The following ABCC4 variants were observed in gnomAD, a reference collection of about 807,000 sequenced individuals.
ABCC4 encodes ATP-binding cassette sub-family C member 4.
Under a neutral mutation model 168.5 loss-of-function variants are expected in ABCC4, and 102 were observed. The observed-to-expected ratio is 0.61, with a 90% confidence interval of 0.52 to 0.71. The LOEUF (loss-of-function observed/expected upper bound fraction) is 0.71, where lower values mean the gene tolerates loss of function less well. ABCC4 is among the 30% of genes least tolerant of loss of function. The pLI, the probability that ABCC4 is intolerant of heterozygous loss-of-function variation, is 0.00. For missense variants in ABCC4, 1,402 were observed against 1,605.8 expected (o/e 0.87, Z 2.17); for synonymous variants, 617 against 590.7 (o/e 1.04, Z -0.65).
chr13:95,043,651 G>A (rs764184165), intron 29 of ABCC4, 31 bp downstream of exon 29: 13 of 1,529,378 alleles, frequency 8.5e-6, no homozygotes, highest in Non-Finnish European at 1.1e-5. Context: ...ATAATTGGGA[G>A]CAACAGGAAT....
intron 19 of ABCC4, among the ~76,000 whole-genome samples, chr13:95,132,877 G>C (rs1015723254): frequency 1.3e-5 from 2 of 152,106 alleles, no homozygotes; most frequent in Non-Finnish European, 2.9e-5. Flanking sequence ...CAAACTCAGA[G>C]ACAGAAAGTA....
intron 29 of ABCC4, among the ~76,000 whole-genome samples, chr13:95,035,208 C>T (rs1390522420): frequency 6.6e-6 from 1 of 152,070 alleles, no homozygotes; most frequent in Non-Finnish European, 1.5e-5. Context: ...AATTGCCGAG[C>T]CAGTTTCATA....
At chr13:95,240,579 G>A (rs866810590) in intron 3 of ABCC4, among the ~76,000 whole-genome samples, 3 of 151,692 alleles carry the variant, frequency 2.0e-5, no homozygotes, top group African/African-American at 7.3e-5. Flanking sequence ...TCTTCAGAGG[G>A]GGCAGTGAGC....
In ABCC4 at chr13:95,202,336, T is replaced by C. The variant is rs2038650595; in HGVS notation, c.1161+4196A>G. On this transcript the variant is annotated intron_variant, in intron 8 of 30. Transcript: ENST00000645237. ...ACAATTTTATCAATCAATCTACCAA[T>C]CTCTCTCTGCATGTACATACACGTG... Among the ~76,000 whole-genome samples, 3 of 152,156 alleles carry C rather than the reference T, an allele frequency of 2.0e-5. No homozygotes were observed. In the South Asian group the frequency reaches 6.2e-4, roughly 32 times the overall value.
chr13:95,180,411 G>GGGT (rs1166348545), intron 11 of ABCC4, among the ~76,000 whole-genome samples: 1 of 152,142 alleles, frequency 6.6e-6, no homozygotes, highest in Non-Finnish European at 1.5e-5. Flanking sequence ...AAATTAGCCA[G>GGGT]GCATGGGGGT....
Position 95,024,206 on chromosome 13 carries a change from C to CAAAACAAAAA in ABCC4, c.3871-2525_3871-2524insTTTTTGTTTT, listed in dbSNP as rs1555301367. On this transcript the variant is annotated intron_variant, in intron 30 of 30. Transcript: ENST00000645237. The stretch of plus-strand genomic sequence containing the variant: ...TGGGTGACAGAGTGAGAGACTGTCT[C>CAAAACAAAAA]AAAAAAAAAAAAAAAAAAAAAAGTT... Among the ~76,000 whole-genome samples, 3 of 43,940 alleles carry CAAAACAAAAA rather than the reference C, an allele frequency of 6.8e-5. 1 individual carries two copies. Among genetic ancestry groups the CAAAACAAAAA allele is most frequent in the Non-Finnish European group, 1.6e-4 (3 of 19,210 alleles). The allele number at this position is 43,940 out of a possible 152,430, so 28.8% of individuals were successfully genotyped here. A position where few individuals can be genotyped will look rare whatever the true frequency, so the allele number is the denominator to read the frequency against.
At chr13:95,096,415 G>A (rs1235094731) in intron 20 of ABCC4, among the ~76,000 whole-genome samples, 8 of 151,976 alleles carry the variant, frequency 5.3e-5, no homozygotes, top group Non-Finnish European at 1.2e-4. Context: ...AAAGAAAAGT[G>A]TATCAAAACA....
At chr13:95,210,650 GT>G (rs2038927634) in intron 5 of ABCC4, 41 bp downstream of exon 5, 1 of 1,474,612 alleles carries the variant, frequency 6.8e-7, no homozygotes, top group Non-Finnish European at 9.5e-7. Context: ...GGAAAGAGGG[GT>G]GTTTAATGCA....
chr13:95,140,618 A>G (rs889849945), intron 19 of ABCC4, among the ~76,000 whole-genome samples: 1 of 152,226 alleles, frequency 6.6e-6, no homozygotes, highest in Admixed American at 6.5e-5. Flanking sequence ...GTTGAACTTT[A>G]AAGGAAAAAA....
intron 19 of ABCC4, among the ~76,000 whole-genome samples, chr13:95,139,128 C>A (rs914590119): frequency 1.1e-4 from 16 of 152,340 alleles, no homozygotes; most frequent in Admixed American, 2.6e-4. Context: ...GGCCTAGCTC[C>A]AAACACAGTG....
chr13:95,171,475 T>G (rs1729785), intron 13 of ABCC4, among the ~76,000 whole-genome samples: 42,373 of 151,080 alleles, frequency 0.28, 7,288 homozygotes, highest in African/African-American at 0.49. Context: ...GAGAATCACT[T>G]GAGCCCAGGA....
At position 95,062,995 on chromosome 13, in the gene ABCC4, CA is replaced by C; in HGVS notation, c.3211-137del. 2.9e-6 allele frequency: 3 copies of C among 1,033,648 alleles called. No individual in the cohort carries two copies. The South Asian group carries it at 5.3e-5, about 18-fold the overall frequency. The allele number at this position is 1,033,648 out of a possible 1,614,324, so 64.0% of individuals were successfully genotyped here. A position where few individuals can be genotyped will look rare whatever the true frequency, so the allele number is the denominator to read the frequency against. Reference sequence around the variant, plus strand: ...TATTGAGTGTAGTCTAAGAGTTTCCCAACCTCAGCACTGATGACCTTCTGAG... The same window carrying C: ...TATTGAGTGTAGTCTAAGAGTTTCCCACCTCAGCACTGATGACCTTCTGAG... On this transcript the variant is annotated intron_variant, in intron 25 of 30. Coordinates refer to ENST00000645237, the MANE Select transcript of ABCC4 (RefSeq NM_005845.5).
chr13:95,181,093 A>T lies in ABCC4; in HGVS notation c.1546-3002T>A, dbSNP rs2037873888. ...GGGAGGAAGGTATCTCATGCACGTT[A>T]GGTACCACTCAGTAAAATTAACCAA... On this transcript the variant is annotated intron_variant, in intron 11 of 30. Transcript: ENST00000645237. Among the ~76,000 whole-genome samples the T allele has an allele frequency of 3.3e-5, 5 of 152,236 alleles. No homozygotes were observed. The South Asian group carries it at 1.0e-3, about 32-fold the overall frequency.
At chr13:95,160,946 CATTTATTTTTCCACA>C (rs2037076644) in intron 19 of ABCC4, among the ~76,000 whole-genome samples, 1 of 152,150 alleles carries the variant, frequency 6.6e-6, no homozygotes, top group Non-Finnish European at 1.5e-5. Context: ...AGTGAACATT[CATTTATTTTTCCACA>C]CACATATAAA....
intron 19 of ABCC4, among the ~76,000 whole-genome samples, chr13:95,145,213 T>C (rs760923061): frequency 2.6e-5 from 4 of 152,170 alleles, no homozygotes; most frequent in Non-Finnish European, 4.4e-5. Flanking sequence ...AATTCAGCCA[T>C]TGTGGGAAGC....
At chr13:95,207,212 G>C (rs536773316) in intron 7 of ABCC4, among the ~76,000 whole-genome samples, 1 of 152,160 alleles carries the variant, frequency 6.6e-6, no homozygotes, top group East Asian at 1.9e-4. Context: ...ATTTTTAGTA[G>C]AGACAGGGTT....
intron 19 of ABCC4, among the ~76,000 whole-genome samples, chr13:95,155,707 T>C (rs1375869595): frequency 1.3e-5 from 2 of 152,158 alleles, no homozygotes; most frequent in Non-Finnish European, 2.9e-5. Context: ...TAACCCAATA[T>C]TAACTTTTAC....
At chr13:95,266,601 G>A (rs1399734773) in intron 1 of ABCC4, among the ~76,000 whole-genome samples, 1 of 152,188 alleles carries the variant, frequency 6.6e-6, no homozygotes, top group Non-Finnish European at 1.5e-5. Context: ...GGGGCACGCA[G>A]TTTGCATGTG....
Position 95,247,588 on chromosome 13 carries a change from C to T in ABCC4, c.185+55G>A, listed in dbSNP as rs2040138884. 13 of 1,412,320 alleles carry T rather than the reference C, an allele frequency of 9.2e-6. No individual in the cohort carries two copies. In the South Asian group the frequency reaches 1.4e-4, roughly 15 times the overall value. The allele number at this position is 1,412,320 out of a possible 1,614,324, so 87.5% of individuals were successfully genotyped here. On this transcript the variant is annotated intron_variant, in intron 2 of 30. Transcript: ENST00000645237. The stretch of plus-strand genomic sequence containing the variant: ...GGACCCAGGAAGGCAAAACCCACTC[C>T]CCACACACAGACACCCACGCTTCCT...
Sources: gnomAD v4.1 joint callset for allele counts (sites outside exome capture counted in the v4.1 genomes callset) on GRCh38, gnomAD v4.1.1 for gene constraint, MANE v1.5 for transcripts, NCBI Gene and HGNC (gene_info 2026-07-23, HGNC 2026-07-21) for gene names.